The following SDK1 variants were observed in gnomAD, a reference collection of about 807,000 sequenced individuals.
The protein encoded by SDK1 is protein sidekick-1.
A neutral mutation model predicts 245.5 loss-of-function variants in SDK1; 157 were observed. The observed-to-expected ratio is 0.64, with a 90% CI of 0.56 to 0.73. The LOEUF is 0.73. Ranked by LOEUF, SDK1 falls within the 30% of genes least tolerant of loss-of-function variation. The pLI is 0.00. For synonymous variants in SDK1, 1,647 were observed against 1,278.5 expected, an observed-to-expected ratio of 1.29 and a Z score of -6.15; for missense variants, 3,583 against 3,002.3, an observed-to-expected ratio of 1.19 and a Z score of -4.52.
intron 13 of SDK1, among the ~76,000 whole-genome samples, chr7:3,984,647 C>T (rs1024899662): frequency 2.9e-4 from 44 of 152,232 alleles, no homozygotes; most frequent in African/African-American, 1.0e-3. Flanking sequence ...CTGTACAACC[C>T]TCTCCTGCCC....
At chr7:4,013,098 A>G (rs1329383460) in intron 16 of SDK1, among the ~76,000 whole-genome samples, 1 of 152,232 alleles carries the variant, frequency 6.6e-6, no homozygotes, top group Admixed American at 6.5e-5. Flanking sequence ...TTTGGAAACA[A>G]AGGGCAGGGC....
intron 5 of SDK1, among the ~76,000 whole-genome samples, chr7:3,840,111 TA>T (rs1780120556): frequency 6.6e-6 from 1 of 152,160 alleles, no homozygotes; most frequent in Non-Finnish European, 1.5e-5. Flanking sequence ...CACTTAAATG[TA>T]AACTTAAAAT....
At position 4,079,113 on chromosome 7, in the gene SDK1, G is replaced by C. The variant is rs891984900; in HGVS notation, c.3203-350G>C. On this transcript the variant is annotated intron_variant, in intron 21 of 44. Transcript: ENST00000404826. The stretch of plus-strand genomic sequence containing the variant: ...TCTGTGTGGTTTGAGGAGCCAGGAA[G>C]AATTACATTCATTCATCCTTTCCTC... Among the ~76,000 whole-genome samples the C allele has an allele frequency of 4.6e-5, 7 of 152,312 alleles. No individual in the cohort carries two copies. In the East Asian group the frequency reaches 1.2e-3, roughly 25 times the overall value.
At chr7:4,036,780 GA>G (rs1788251384) in intron 17 of SDK1, among the ~76,000 whole-genome samples, 1 of 152,146 alleles carries the variant, frequency 6.6e-6, no homozygotes, top group African/African-American at 2.4e-5. Flanking sequence ...CCATCTCTAA[GA>G]AAACAGGCCC....
intron 5 of SDK1, among the ~76,000 whole-genome samples, chr7:3,862,466 T>A (rs75832273): frequency 0.053 from 8,021 of 152,240 alleles, 675 homozygotes; most frequent in African/African-American, 0.18. Flanking sequence ...TATGTGTTAA[T>A]GCATAACATA....
chr7:3,444,314 G>C (rs1208413861), intron 1 of SDK1, among the ~76,000 whole-genome samples: 1 of 152,108 alleles, frequency 6.6e-6, no homozygotes, highest in African/African-American at 2.4e-5. Context: ...ATGTCTACCA[G>C]ACATCCCCAA....
rs1562415856 is a variant in SDK1 at position 4,194,346 on chromosome 7, A to ACATATAT, written c.5099-11533_5099-11532insCATATAT. ...TATGCACGTATGTGTATACATGTAT[A>ACATATAT]GATATATGTATGCACGTATGTGTAT... On this transcript the variant is annotated intron_variant, in intron 35 of 44. Coordinates refer to ENST00000404826, the MANE Select transcript of SDK1 (RefSeq NM_152744.4). 4.6e-3 allele frequency among the ~76,000 whole-genome samples: 526 copies of ACATATAT among 115,478 alleles called. 82 individuals are homozygous for ACATATAT. The highest frequency in any genetic ancestry group is 0.02 in the African/African-American group (484 of 24,290). The allele number at this position is 115,478 out of a possible 152,430, so 75.8% of individuals were successfully genotyped here. A position where few individuals can be genotyped will look rare whatever the true frequency, so the allele number is the denominator to read the frequency against.
chr7:3,925,128 C>T (rs1285688337), intron 5 of SDK1, among the ~76,000 whole-genome samples: 2 of 152,154 alleles, frequency 1.3e-5, no homozygotes, highest in Non-Finnish European at 2.9e-5. Context: ...AGACACCCCA[C>T]TCCAGGAACC....
chr7:3,312,847 T>A (rs867135312), intron 1 of SDK1, among the ~76,000 whole-genome samples: 11 of 152,302 alleles, frequency 7.2e-5, no homozygotes, highest in Middle Eastern at 3.4e-3. Flanking sequence ...GAAGTTTTCA[T>A]AATCAATACA....
At chr7:4,221,407 C>T (rs376363566) in intron 40 of SDK1, 43 bp downstream of exon 40, 34 of 1,563,034 alleles carry the variant, frequency 2.2e-5, no homozygotes, top group South Asian at 1.3e-4. Context: ...GCCCAGCGGA[C>T]GGCAGTGCTT....
intron 4 of SDK1, among the ~76,000 whole-genome samples, chr7:3,721,325 ATGT>A (rs1246391060): frequency 6.6e-6 from 1 of 152,144 alleles, no homozygotes; most frequent in East Asian, 1.9e-4. Context: ...CCTGGTTTTG[ATGT>A]TGTTTGGTAA....
At chr7:3,939,990 G>C (rs1365915612) in intron 5 of SDK1, among the ~76,000 whole-genome samples, 1 of 152,252 alleles carries the variant, frequency 6.6e-6, no homozygotes, top group African/African-American at 2.4e-5. Context: ...GAGACGCGTA[G>C]GCAATGTTCA....
intron 4 of SDK1, among the ~76,000 whole-genome samples, chr7:3,744,081 C>G (rs979884262): frequency 6.6e-6 from 1 of 152,116 alleles, no homozygotes; most frequent in Non-Finnish European, 1.5e-5. Context: ...TCAATAGCCT[C>G]CTAGTTTGTT....
chr7:3,851,957 T>C (rs1357794930), intron 5 of SDK1, among the ~76,000 whole-genome samples: 1 of 152,238 alleles, frequency 6.6e-6, no homozygotes, highest in Non-Finnish European at 1.5e-5. Flanking sequence ...GTTTGAAGTA[T>C]GTTTTACACT....
At chr7:3,407,121 A>G (rs1312414557) in intron 1 of SDK1, among the ~76,000 whole-genome samples, 2 of 152,200 alleles carry the variant, frequency 1.3e-5, no homozygotes, top group Non-Finnish European at 2.9e-5. Flanking sequence ...GACAAGGGCT[A>G]CTGCTCTGCA....
At chr7:3,683,738 TCCTTGTTG>T (rs1192636830) in intron 4 of SDK1, among the ~76,000 whole-genome samples, 5 of 152,224 alleles carry the variant, frequency 3.3e-5, no homozygotes, top group African/African-American at 7.2e-5. Flanking sequence ...TCTCTGAGTT[TCCTTGTTG>T]CCTTGTTGCC....
intron 32 of SDK1, among the ~76,000 whole-genome samples, chr7:4,162,591 G>T (rs569140076): frequency 6.6e-6 from 1 of 151,852 alleles, no homozygotes; most frequent in African/African-American, 2.4e-5. Context: ...GTAGAGATGG[G>T]GTTTCACCAT....
At chr7:3,925,490 G>C (rs564947111) in intron 5 of SDK1, among the ~76,000 whole-genome samples, 4 of 152,134 alleles carry the variant, frequency 2.6e-5, no homozygotes, top group African/African-American at 7.2e-5. Flanking sequence ...TGAATCTCTC[G>C]TCGCCAAACT....
chr7:3,944,904 A>G (rs1780513809), intron 5 of SDK1, among the ~76,000 whole-genome samples: 1 of 152,244 alleles, frequency 6.6e-6, no homozygotes, highest in Non-Finnish European at 1.5e-5. Context: ...AGACTTGGTC[A>G]TGGAGGGGCT....
Sources: allele counts gnomAD v4.1 joint callset (sites outside exome capture counted in the v4.1 genomes callset), GRCh38; gene constraint gnomAD v4.1.1; transcripts MANE v1.5; gene names NCBI Gene and HGNC (gene_info 2026-07-23, HGNC 2026-07-21).